TESPA1: variants seen among roughly 807,000 people sequenced by gnomAD.
TESPA1 encodes the protein protein TESPA1.
A neutral mutation model predicts 57.9 loss-of-function variants in TESPA1; 33 were observed. The observed-to-expected ratio is 0.57, with a 90% CI of 0.43 to 0.76. The LOEUF (loss-of-function observed/expected upper bound fraction) is 0.76, where lower values mean the gene tolerates loss of function less well. TESPA1 is among the 30% of genes least tolerant of loss of function. TESPA1 has a pLI of 0.00. For missense variants in TESPA1, 618 were observed against 632.9 expected, an observed-to-expected ratio of 0.98 and a Z score of 0.25; for synonymous variants, 227 against 228.9, an observed-to-expected ratio of 0.99 and a Z score of 0.07.
chr12:54,966,521 CT>C, intron 5 of TESPA1, 97 bp from the exon 6 acceptor site: 3 of 1,397,646 alleles, frequency 2.1e-6, no homozygotes, highest in Non-Finnish European at 2.9e-6. Context: ...CCCTCTGTTT[CT>C]TTTTGTGACT....
intron 3 of TESPA1, among the ~76,000 whole-genome samples, chr12:54,969,046 T>TATATATATATATATATATATAA: frequency 4.0e-5 from 5 of 124,472 alleles, no homozygotes; most frequent in East Asian, 9.2e-4. Context: ...TATATATATA[T>TATATATATATATATATATATAA]GTGTGTGTGT....
intron 4 of TESPA1, 104 bp downstream of exon 4, chr12:54,967,739 G>A: frequency 7.5e-7 from 1 of 1,337,996 alleles, no homozygotes; most frequent in South Asian, 1.3e-5. Context: ...GGACTCTTTT[G>A]CATGCCTATG....
chr12:54,982,275 A>G (rs564322262), intron 1 of TESPA1, among the ~76,000 whole-genome samples: 2 of 152,336 alleles, frequency 1.3e-5, no homozygotes, highest in South Asian at 4.1e-4. Flanking sequence ...TTCCCTGAGT[A>G]TAATATTTGA....
At position 54,967,234 on chromosome 12, in the gene TESPA1, A is replaced by G. The variant is rs772505149; in HGVS notation, c.259T>C (p.Phe87Leu). Residue 87 changes from phenylalanine to leucine, a missense_variant and splice_region_variant, in exon 5 of 11, where the codon TTC (phenylalanine) becomes CTC (leucine). Physicochemically the swap from Phe to Leu is conservative, Grantham distance 22 (BLOSUM62 0). Coordinates refer to ENST00000449076, the MANE Select transcript of TESPA1 (RefSeq NM_001136030.3). ...TCAAAGCTGGTCCCATGGCTGCAGAAGCCTGTCCAATAATCAGGTGAGGGT... is the reference window on the plus strand; with the variant it reads ...TCAAAGCTGGTCCCATGGCTGCAGAGGCCTGTCCAATAATCAGGTGAGGGT... The part of the protein sequence containing the change: ...EEAGQFIYNG[F>L]CSHGTSFEDD... 1 of 1,612,588 alleles carries G rather than the reference A, an allele frequency of 6.2e-7. No individual in the cohort carries two copies. Among genetic ancestry groups the G allele is most frequent in the South Asian group, 1.1e-5 (1 of 90,722 alleles).
Position 54,984,703 on chromosome 12 carries a change from C to G in TESPA1, c.-164G>C, listed in dbSNP as rs560901611. 1 of 152,396 alleles carries G rather than the reference C, an allele frequency of 6.6e-6. No individual in the cohort carries two copies. The highest frequency in any genetic ancestry group is 2.4e-5 in the African/African-American group (1 of 41,570). The allele number at this position is 152,396 out of a possible 1,614,324, so 9.4% of individuals were successfully genotyped here. ...AGAAAGTATCATGTTGTAGATTATG[C>G]CTTTCTCCCTGAACTCATTCAACTG... On this transcript the variant is annotated 5_prime_UTR_variant, in exon 1 of 11. Transcript: ENST00000449076.
At chr12:54,956,786 G>A (rs1439020072) in intron 10 of TESPA1, among the ~76,000 whole-genome samples, 1 of 152,180 alleles carries the variant, frequency 6.6e-6, no homozygotes, top group Non-Finnish European at 1.5e-5. Flanking sequence ...AAGGTCAAAA[G>A]CCTGCATCTG....
intron 3 of TESPA1, 168 bp from the exon 4 acceptor site, chr12:54,968,060 A>G (rs991704617): frequency 4.0e-6 from 6 of 1,504,640 alleles, no homozygotes; most frequent in Non-Finnish European, 4.4e-6. Flanking sequence ...TTGTCTGAAA[A>G]ATTCATAGAA....
At chr12:54,964,004 T>C in intron 7 of TESPA1, 54 bp from the exon 8 acceptor site, 3 of 1,474,270 alleles carry the variant, frequency 2.0e-6, no homozygotes, top group Non-Finnish European at 2.8e-6. Flanking sequence ...ACATGGTAAT[T>C]CAGAATATCA....
chr12:54,953,800 G>A (rs1464354400), intron 10 of TESPA1, among the ~76,000 whole-genome samples: 1 of 152,116 alleles, frequency 6.6e-6, no homozygotes, highest in Non-Finnish European at 1.5e-5. Context: ...GATTACAGGC[G>A]TGAGCCACCG....
intron 8 of TESPA1, 134 bp downstream of exon 8, chr12:54,963,608 C>T: frequency 9.8e-7 from 1 of 1,017,664 alleles, no homozygotes; most frequent in Non-Finnish European, 1.4e-6. Flanking sequence ...CTGAAGACAA[C>T]ATAAGAGGAA....
rs118158504 is a variant in TESPA1, at chr12:54,953,327, C to T, written c.*2-2937G>A. ...GATCTTTCTCCAGCACATCCCCTTT[C>T]TCCCACTAGGCATAAGGTGTAGTTT... On this transcript the variant is annotated intron_variant, in intron 10 of 10. Coordinates refer to ENST00000449076, the MANE Select transcript of TESPA1 (RefSeq NM_001136030.3). Among the ~76,000 whole-genome samples the T allele has an allele frequency of 1.3e-3, 191 of 152,252 alleles. 2 individuals are homozygous for T. In the South Asian group the frequency reaches 0.018, roughly 14 times the overall value.
intron 4 of TESPA1, 140 bp from the exon 5 acceptor site, chr12:54,967,376 C>A: frequency 1.1e-6 from 1 of 921,376 alleles, no homozygotes; most frequent in Non-Finnish European, 1.7e-6. Flanking sequence ...TAGATACCCA[C>A]GTTTGTCAAA....
At chr12:54,974,207 G>A (rs947948264) in intron 2 of TESPA1, among the ~76,000 whole-genome samples, 193 bp downstream of exon 2, 7 of 152,102 alleles carry the variant, frequency 4.6e-5, no homozygotes, top group Admixed American at 6.5e-5. Context: ...CTAATCTTAT[G>A]CCTGTCTCTT....
At chr12:54,982,578 G>A (rs1952359617) in intron 1 of TESPA1, among the ~76,000 whole-genome samples, 1 of 152,006 alleles carries the variant, frequency 6.6e-6, no homozygotes, top group Admixed American at 6.5e-5. Context: ...TTGTGGATTT[G>A]GAAAAAAAAT....
intron 1 of TESPA1, among the ~76,000 whole-genome samples, chr12:54,977,703 T>C (rs1280993207): frequency 6.6e-6 from 1 of 152,224 alleles, no homozygotes; most frequent in Non-Finnish European, 1.5e-5. Flanking sequence ...GACATTTTCC[T>C]GGCAATTTGG....
At chr12:54,950,762 T>C (rs185962277) in intron 10 of TESPA1, among the ~76,000 whole-genome samples, 2 of 152,342 alleles carry the variant, frequency 1.3e-5, no homozygotes, top group Admixed American at 1.3e-4. Context: ...ATGCATTTTC[T>C]ATTAATAAGT....
chr12:54,961,734 C>T (rs12827464), intron 9 of TESPA1, among the ~76,000 whole-genome samples: 25,287 of 152,106 alleles, frequency 0.17, 2,396 homozygotes, highest in East Asian at 0.26. Context: ...GGCCCCAAGC[C>T]GGTTGCAGGA....
intron 10 of TESPA1, among the ~76,000 whole-genome samples, chr12:54,956,375 G>C (rs1288058091): frequency 6.6e-6 from 1 of 152,128 alleles, no homozygotes; most frequent in Non-Finnish European, 1.5e-5. Context: ...TGCTACCTCA[G>C]ATCTGGTAAA....
Position 54,966,376 on chromosome 12 carries a change from C to G in TESPA1, c.347+12G>C, listed in dbSNP as rs753684213. The G allele has an allele frequency of 1.2e-6, 2 of 1,613,894 alleles. No individual in the cohort carries two copies. Among genetic ancestry groups the G allele is most frequent in the Admixed American group, 3.3e-5 (2 of 60,024 alleles). ...GGAGACATCATTCACCCTGGCTGAACCTAACACTTACCTGGAGAAGAGTTT... is the reference window on the plus strand; with the variant it reads ...GGAGACATCATTCACCCTGGCTGAAGCTAACACTTACCTGGAGAAGAGTTT... On this transcript the variant is annotated intron_variant, in intron 6 of 10. Coordinates refer to ENST00000449076, the MANE Select transcript of TESPA1 (RefSeq NM_001136030.3).
Sources: allele counts gnomAD v4.1 joint callset (sites outside exome capture counted in the v4.1 genomes callset), GRCh38; gene constraint gnomAD v4.1.1; transcripts MANE v1.5; gene names NCBI Gene and HGNC (gene_info 2026-07-23, HGNC 2026-07-21).